PRPF6: variants seen among roughly 807,000 people sequenced by gnomAD.
PRPF6 encodes the protein pre-mRNA-processing factor 6.
A neutral mutation model predicts 118.3 loss-of-function variants in PRPF6; 42 were observed. That is an observed-to-expected ratio of 0.35 (90% confidence interval 0.28 to 0.46). The LOEUF is 0.46. Ranked by LOEUF, PRPF6 falls within the 20% of genes least tolerant of loss-of-function variation. PRPF6 has a pLI of 1.00. For missense variants in PRPF6, 662 were observed against 1,255.7 expected, an observed-to-expected ratio of 0.53 and a Z score of 7.15; for synonymous variants, 481 against 485.1, an observed-to-expected ratio of 0.99 and a Z score of 0.11.
intron 3 of PRPF6, among the ~76,000 whole-genome samples, chr20:63,991,625 A>C (rs1217597004): frequency 6.6e-6 from 1 of 152,104 alleles, no homozygotes; most frequent in East Asian, 1.9e-4. Context: ...CCCCGTCTCT[A>C]CTAACAATAC....
intron 3 of PRPF6, among the ~76,000 whole-genome samples, chr20:63,985,479 T>C (rs1373069841): frequency 6.6e-6 from 1 of 152,216 alleles, no homozygotes; most frequent in Non-Finnish European, 1.5e-5. Flanking sequence ...GGATAAGCAC[T>C]GGGCTGTTAC....
chr20:64,025,384 A>G (rs1281771096), intron 14 of PRPF6, among the ~76,000 whole-genome samples: 1 of 152,098 alleles, frequency 6.6e-6, no homozygotes, highest in Non-Finnish European at 1.5e-5. Flanking sequence ...AGCCCTGGGC[A>G]CCGGGCTGGG....
chr20:64,023,763 G>A (rs1569224447), intron 13 of PRPF6, among the ~76,000 whole-genome samples: 1 of 152,202 alleles, frequency 6.6e-6, no homozygotes, highest in Non-Finnish European at 1.5e-5. Context: ...GAAGAACAGG[G>A]CGGTGCCAGG....
Position 64,029,417 on chromosome 20 carries a change from C to T in PRPF6, c.2472C>T (p.Pro824=). The change falls in exon 19 of 21, where the codon CCC becomes CCT. Residue 824 remains proline (P), a synonymous_variant. Transcript: ENST00000266079. This position sits in a 1 kb window ranked among gnomAD's most constrained non-coding sequence, Gnocchi z 4.8. ...WSEAIFLEAR[P]QRRTKSVDAL... is the part of the protein sequence containing the mutation. ...AGGCCATCTTCCTCGAGGCAAGGCC[C>T]CAGAGGAGGACCAAGAGCGTGGATG... 1.9e-6 allele frequency: 3 copies of T among 1,614,208 alleles called. No homozygotes were observed. Among genetic ancestry groups the T allele is most frequent in the Non-Finnish European group, 2.5e-6 (3 of 1,180,044 alleles).
At chr20:64,022,650 C>A in intron 12 of PRPF6, 107 bp from the exon 13 acceptor site, 2 of 1,525,284 alleles carry the variant, frequency 1.3e-6, no homozygotes, top group Non-Finnish European at 1.8e-6. Context: ...GGTACACCTT[C>A]TAGCAGATAT....
At chr20:64,031,687 A>AAC (rs1569227255) in intron 19 of PRPF6, among the ~76,000 whole-genome samples, 24 of 149,242 alleles carry the variant, frequency 1.6e-4, no homozygotes, top group South Asian at 2.1e-4. Context: ...AAAAAAAAAA[A>AAC]AAAACAACAA....
intron 3 of PRPF6, among the ~76,000 whole-genome samples, chr20:63,992,132 C>T (rs375209834): frequency 7.2e-5 from 11 of 152,232 alleles, no homozygotes; most frequent in Non-Finnish European, 1.3e-4. Context: ...GACAAGGTCT[C>T]GCTCTGTCGC....
Position 63,999,144 on chromosome 20 carries a change from G to A in PRPF6, c.866+5G>A. On this transcript the variant is annotated splice_donor_5th_base_variant and intron_variant, in intron 7 of 20. Transcript: ENST00000266079. ...GACACACGGAGGAGACATCAAGTGA[G>A]TGCTTTGCAGAATCGCTGGGCTGGG... The A allele has an allele frequency of 6.2e-7, 1 of 1,613,064 alleles. No individual in the cohort carries two copies. The highest frequency in any genetic ancestry group is 2.2e-5 in the East Asian group (1 of 44,882).
At position 64,025,304 on chromosome 20, in the gene PRPF6, CT is replaced by C. The variant is rs2059284077; in HGVS notation, c.1908+612del. ...GCAGCGTCCCCTCCACCTGCCCGCT[CT>C]CTGCCTGTCACGTGGCTTCCTTCCA... On this transcript the variant is annotated intron_variant, in intron 14 of 20. Coordinates refer to ENST00000266079, the MANE Select transcript of PRPF6 (RefSeq NM_012469.4). 4.6e-5 allele frequency among the ~76,000 whole-genome samples: 7 copies of C among 152,162 alleles called. No individual in the cohort carries two copies. In the South Asian group the frequency reaches 1.4e-3, roughly 31 times the overall value.
intron 2 of PRPF6, among the ~76,000 whole-genome samples, chr20:63,984,674 A>G (rs2059085828): frequency 1.3e-5 from 2 of 152,034 alleles, no homozygotes; most frequent in African/African-American, 4.8e-5. Flanking sequence ...AGGATCCCCC[A>G]TTGCATTTCG....
At chr20:63,995,578 TCTC>T (rs900499349) in intron 6 of PRPF6, 96 bp downstream of exon 6, 28 of 1,318,532 alleles carry the variant, frequency 2.1e-5, no homozygotes, top group South Asian at 1.2e-4. Context: ...TCCTTTTTCT[TCTC>T]CTCCTTCTCC....
intron 7 of PRPF6, among the ~76,000 whole-genome samples, 191 bp downstream of exon 7, chr20:63,999,330 T>G (rs1465548978): frequency 1.3e-5 from 2 of 152,252 alleles, no homozygotes; most frequent in Non-Finnish European, 2.9e-5. Flanking sequence ...GTGTTACATA[T>G]GATACTGCAA....
intron 2 of PRPF6, 100 bp downstream of exon 2, chr20:63,983,315 C>T: frequency 6.9e-7 from 1 of 1,441,332 alleles, no homozygotes; most frequent in East Asian, 2.3e-5. Flanking sequence ...CTTGGAGTGG[C>T]TCATGCATTT....
intron 3 of PRPF6, among the ~76,000 whole-genome samples, chr20:63,990,236 C>T (rs1445084492): frequency 2.0e-5 from 3 of 152,142 alleles, no homozygotes; most frequent in Non-Finnish European, 2.9e-5. Context: ...AGGGGTCTGC[C>T]CTCAAGACTC....
At chr20:64,018,207 G>C (rs1436389992) in intron 12 of PRPF6, among the ~76,000 whole-genome samples, 1 of 152,110 alleles carries the variant, frequency 6.6e-6, no homozygotes, top group Non-Finnish European at 1.5e-5. Context: ...AAAAGAAAAA[G>C]TCTCACCCGT....
intron 19 of PRPF6, among the ~76,000 whole-genome samples, chr20:64,031,695 CAAAA>C (rs1010019277): frequency 7.0e-6 from 1 of 142,486 alleles, no homozygotes; most frequent in Non-Finnish European, 1.5e-5. Context: ...AAAAAAACAA[CAAAA>C]AAAAACCAAT....
chr20:63,989,126 A>C (rs776981871), intron 3 of PRPF6, among the ~76,000 whole-genome samples: 72 of 152,332 alleles, frequency 4.7e-4, no homozygotes, highest in East Asian at 5.8e-4. Flanking sequence ...TGTACCAGGA[A>C]TATTTATTGG....
intron 11 of PRPF6, among the ~76,000 whole-genome samples, chr20:64,014,539 T>G (rs1342144721): frequency 1.3e-5 from 2 of 151,862 alleles, no homozygotes; most frequent in Non-Finnish European, 2.9e-5. Flanking sequence ...CACCTATAAT[T>G]CCAGCTACTC....
rs563414452 is a variant in PRPF6, at chr20:63,995,469, T to A, written c.758T>A (p.Met253Lys). Reference sequence around the variant, plus strand: ...CAAGCGAGGAACACTCTGATGGACATGAGGCTGAGCCAGGTGAGTTTGTCA... The same window carrying A: ...CAAGCGAGGAACACTCTGATGGACAAGAGGCTGAGCCAGGTGAGTTTGTCA... ...IGQARNTLMD[M>K]RLSQVSDSVS... Residue 253 changes from methionine (M) to lysine (K), a missense_variant, in exon 6 of 21, where the codon ATG becomes AAG. Met to Lys is a moderately conservative substitution (Grantham distance 95). This residue lies in a region of PRPF6 where 71 missense variants were observed against 166.4 expected (regional missense o/e 0.43). Coordinates refer to ENST00000266079, the MANE Select transcript of PRPF6 (RefSeq NM_012469.4). 6.2e-7 allele frequency: 1 copy of A among 1,614,136 alleles called. No individual in the cohort carries two copies. Among genetic ancestry groups the A allele is most frequent in the African/African-American group, 1.3e-5 (1 of 75,030 alleles).
Sources: gnomAD v4.1 joint callset for allele counts (sites outside exome capture counted in the v4.1 genomes callset) on GRCh38, gnomAD v4.1.1 for gene constraint, gnomAD v4.1.1 regional missense constraint, Gnocchi (gnomAD v3.1) non-coding constraint, MANE v1.5 for transcripts, NCBI Gene and HGNC (gene_info 2026-07-23, HGNC 2026-07-21) for gene names.